Variants in RCHY1 observed in about 807,000 individuals in gnomAD.
RCHY1 encodes RING finger and CHY zinc finger domain-containing protein 1.
RCHY1 carries 21 observed loss-of-function variants against 41.6 expected under a neutral mutation model. That is an observed-to-expected ratio of 0.51 (90% CI 0.36 to 0.73). The LOEUF (loss-of-function observed/expected upper bound fraction) is 0.73. Among genes scored for constraint, RCHY1 ranks in the 30% least tolerant of loss-of-function variants. RCHY1 has a pLI of 0.00. For missense variants in RCHY1, 265 were observed against 325.3 expected, an observed-to-expected ratio of 0.81 and a Z score of 1.43; for synonymous variants, 79 against 102.9, an observed-to-expected ratio of 0.77 and a Z score of 1.41.
intron 3 of RCHY1, among the ~76,000 whole-genome samples, chr4:75,505,182 T>A (rs958015817): frequency 6.6e-6 from 1 of 152,006 alleles, no homozygotes; most frequent in Admixed American, 6.6e-5. Flanking sequence ...CACAATAGGG[T>A]TTGTGCTCCT....
At chr4:75,490,499 T>C in intron 8 of RCHY1, 82 bp downstream of exon 8, 1 of 1,080,992 alleles carries the variant, frequency 9.3e-7, no homozygotes, top group Middle Eastern at 2.1e-4. Flanking sequence ...ATATATTTTT[T>C]TTTTGGCAAA....
chr4:75,485,591 C>G (rs951128437), intron 8 of RCHY1, among the ~76,000 whole-genome samples: 1 of 152,160 alleles, frequency 6.6e-6, no homozygotes, highest in African/African-American at 2.4e-5. Context: ...ATATTTACGT[C>G]TAAAGTCTTA....
At chr4:75,507,572 T>G (rs1724446995) in intron 3 of RCHY1, among the ~76,000 whole-genome samples, 1 of 151,946 alleles carries the variant, frequency 6.6e-6, no homozygotes, top group Non-Finnish European at 1.5e-5. Context: ...GATTGAAAAA[T>G]TAAAATTCAA....
chr4:75,500,211 TACC>T (rs1489840925), intron 3 of RCHY1, among the ~76,000 whole-genome samples: 27 of 152,328 alleles, frequency 1.8e-4, no homozygotes, highest in African/African-American at 6.5e-4. Flanking sequence ...TGCACTGAAT[TACC>T]ACATGTAGTC....
chr4:75,495,077 C>T (rs762643630), intron 3 of RCHY1, among the ~76,000 whole-genome samples: 5 of 151,632 alleles, frequency 3.3e-5, no homozygotes, highest in East Asian at 1.9e-4. Flanking sequence ...TGTTTTCATT[C>T]GCATGTATTA....
chr4:75,504,643 G>A (rs1268927083), intron 3 of RCHY1, among the ~76,000 whole-genome samples: 2 of 152,158 alleles, frequency 1.3e-5, no homozygotes, highest in Non-Finnish European at 2.9e-5. Context: ...CAACTGAGCT[G>A]GCACTTGGTG....
intron 8 of RCHY1, among the ~76,000 whole-genome samples, chr4:75,483,643 G>A (rs1429792785): frequency 1.3e-5 from 2 of 152,112 alleles, no homozygotes; most frequent in South Asian, 2.1e-4. Flanking sequence ...ATGGAACATA[G>A]CACACTTCGG....
rs901893917 is a variant in RCHY1, at chr4:75,479,882, T to G, written c.*2656A>C. The G allele has an allele frequency of 6.6e-6, 1 of 152,218 alleles. No individual in the cohort carries two copies. Among genetic ancestry groups the G allele is most frequent in the Admixed American group, 6.5e-5 (1 of 15,280 alleles). The allele number at this position is 152,218 out of a possible 1,614,324, so 9.4% of individuals were successfully genotyped here. A position where few individuals can be genotyped will look rare whatever the true frequency, so the allele number is the denominator to read the frequency against. Reference sequence around the variant, plus strand: ...AAAAAGAATAGGAAAAGAATGAAGTTGTCTGTTAAAATGTTAACAGTAGTT... The same window carrying G: ...AAAAAGAATAGGAAAAGAATGAAGTGGTCTGTTAAAATGTTAACAGTAGTT... On this transcript the variant is annotated 3_prime_UTR_variant, in exon 9 of 9. Transcript: ENST00000324439.
intron 3 of RCHY1, among the ~76,000 whole-genome samples, chr4:75,499,402 T>C (rs1723525373): frequency 6.6e-6 from 1 of 152,186 alleles, no homozygotes; most frequent in African/African-American, 2.4e-5. Context: ...AGCTACCATA[T>C]GATCCAGCAA....
intron 3 of RCHY1, among the ~76,000 whole-genome samples, chr4:75,497,827 A>C (rs1478049464): frequency 1.3e-5 from 2 of 152,070 alleles, no homozygotes; most frequent in Non-Finnish European, 2.9e-5. Flanking sequence ...AACATGAAGA[A>C]AACTATACAA....
intron 3 of RCHY1, among the ~76,000 whole-genome samples, chr4:75,501,392 T>C (rs962815532): frequency 7.9e-5 from 12 of 152,252 alleles, no homozygotes; most frequent in African/African-American, 2.9e-4. Context: ...TTTGTCAAAC[T>C]TAATAGATTT....
chr4:75,488,391 C>T (rs969938379), intron 8 of RCHY1, among the ~76,000 whole-genome samples: 3 of 152,072 alleles, frequency 2.0e-5, no homozygotes, highest in African/African-American at 4.8e-5. Context: ...CAAGGAGGTT[C>T]ATGAAAGGAT....
rs1721353605 is a variant in RCHY1, at chr4:75,479,390, A to G, written c.*3148T>C. ...ATACCTATTGCCAGGCACTTATAAA[A>G]TAATGTTGGCTCTTTAGTACTTAGT... On this transcript the variant is annotated 3_prime_UTR_variant, in exon 9 of 9. Transcript: ENST00000324439. The G allele has an allele frequency of 6.6e-6, 1 of 152,154 alleles. No individual in the cohort carries two copies. The highest frequency in any genetic ancestry group is 1.5e-5 in the Non-Finnish European group (1 of 68,006). 9.4% of individuals were successfully genotyped at this position (152,154 alleles called of 1,614,324 possible).
At chr4:75,506,710 C>T (rs896796597) in intron 3 of RCHY1, among the ~76,000 whole-genome samples, 2 of 149,872 alleles carry the variant, frequency 1.3e-5, no homozygotes, top group Non-Finnish European at 3.0e-5. Context: ...GGTGGGAAAA[C>T]GGTACAGAAA....
rs531042870 is a variant in RCHY1 at position 75,488,169 on chromosome 4, T to A, written c.657+2412A>T. On this transcript the variant is annotated intron_variant, in intron 8 of 8. Transcript: ENST00000324439. Reference sequence around the variant, plus strand: ...TATTAAGATTTATTCCAAAATTATATGAGATTCTAAAATTCTTTATGTCGG... The same window carrying A: ...TATTAAGATTTATTCCAAAATTATAAGAGATTCTAAAATTCTTTATGTCGG... Among the ~76,000 whole-genome samples, 14 of 152,080 alleles carry A rather than the reference T, an allele frequency of 9.2e-5. No individual in the cohort carries two copies. The East Asian group carries it at 2.7e-3, about 29-fold the overall frequency.
At position 75,514,246 on chromosome 4, in the gene RCHY1, T is replaced by C; in HGVS notation, c.41A>G (p.Glu14Gly). 1 of 1,612,900 alleles carries C rather than the reference T, an allele frequency of 6.2e-7. No homozygotes were observed. Among genetic ancestry groups the C allele is most frequent in the Non-Finnish European group, 8.5e-7 (1 of 1,179,030 alleles). ...TAREDGASGQ[E>G]RGQRGCEHYD... ...GTGCTCGCAGCCCCGCTGACCTCGC[T>C]CTTGACCGCTGGCGCCATCTTCCCG... The change falls in exon 1 of 9, where the codon GAG (glutamate) becomes GGG (glycine). Residue 14 changes from glutamate to glycine, a missense_variant. Transcript: ENST00000324439.
chr4:75,479,402 C>G lies in RCHY1; in HGVS notation c.*3136G>C, dbSNP rs1346000388. The G allele has an allele frequency of 2.0e-5, 3 of 151,996 alleles. No individual in the cohort carries two copies. Among genetic ancestry groups the G allele is most frequent in the Non-Finnish European group, 4.4e-5 (3 of 67,974 alleles). 9.4% of individuals were successfully genotyped at this position (151,996 alleles called of 1,614,324 possible). ...AGGCACTTATAAAATAATGTTGGCT[C>G]TTTAGTACTTAGTAAATTTATTTTG... On this transcript the variant is annotated 3_prime_UTR_variant, in exon 9 of 9. Coordinates refer to ENST00000324439, the MANE Select transcript of RCHY1 (RefSeq NM_015436.4).
At chr4:75,510,763 A>G (rs1210377589) in intron 1 of RCHY1, among the ~76,000 whole-genome samples, 1 of 152,198 alleles carries the variant, frequency 6.6e-6, no homozygotes, top group Non-Finnish European at 1.5e-5. Context: ...GGTTTTTAAA[A>G]TATTACTTCT....
rs563735918 is a variant in RCHY1, at chr4:75,504,102, T to C, written c.326+4718A>G. 9.2e-5 allele frequency among the ~76,000 whole-genome samples: 14 copies of C among 152,354 alleles called. No individual in the cohort carries two copies. In the South Asian group the frequency reaches 2.1e-3, roughly 23 times the overall value. On this transcript the variant is annotated intron_variant, in intron 3 of 8. Transcript: ENST00000324439. ...AAGCCAAGACTTATCAGTGGTGTATTTGAGATCTGGAATTAGTATTGCATT... is the reference window on the plus strand; with the variant it reads ...AAGCCAAGACTTATCAGTGGTGTATCTGAGATCTGGAATTAGTATTGCATT...
Sources: allele counts gnomAD v4.1 joint callset (sites outside exome capture counted in the v4.1 genomes callset), GRCh38; gene constraint gnomAD v4.1.1; transcripts MANE v1.5; gene names NCBI Gene and HGNC (gene_info 2026-07-23, HGNC 2026-07-21).